Variants in RAPGEF1 observed in about 807,000 individuals in gnomAD.
RAPGEF1 encodes Rap guanine nucleotide exchange factor 1.
In RAPGEF1, 33 loss-of-function variants were observed where a neutral mutation model predicts 143.3. That is an observed-to-expected ratio of 0.23 (90% confidence interval 0.17 to 0.31). RAPGEF1 has a LOEUF of 0.31. Ranked by LOEUF, RAPGEF1 falls within the 10% of genes least tolerant of loss-of-function variation. The probability of loss-of-function intolerance (pLI) is 1.00; values close to 1 mark genes in which losing one functional copy is unlikely to be tolerated. For synonymous variants in RAPGEF1, 629 were observed against 676.5 expected (o/e 0.93, Z 1.09); for missense variants, 1,199 against 1,645.4 (o/e 0.73, Z 4.69).
intron 1 of RAPGEF1, among the ~76,000 whole-genome samples, chr9:131,739,558 G>GCA (rs1408265378): frequency 6.7e-6 from 1 of 150,306 alleles, no homozygotes; most frequent in East Asian, 2.0e-4. Context: ...CCCGGCCCCT[G>GCA]GCGCCCCCGC....
intron 17 of RAPGEF1, among the ~76,000 whole-genome samples, chr9:131,595,295 C>T (rs1452676715): frequency 3.3e-5 from 5 of 152,224 alleles, no homozygotes; most frequent in Admixed American, 6.5e-5. Context: ...GCAGTGGCTG[C>T]GGTGAGTTTG....
chr9:131,712,968 T>C (rs1251558276), intron 1 of RAPGEF1, among the ~76,000 whole-genome samples: 1 of 152,144 alleles, frequency 6.6e-6, no homozygotes, highest in African/African-American at 2.4e-5. Context: ...TGTCCCAGAC[T>C]AAGCAAACAA....
intron 12 of RAPGEF1, among the ~76,000 whole-genome samples, chr9:131,605,670 A>G (rs1957006196): frequency 6.6e-6 from 1 of 152,178 alleles, no homozygotes; most frequent in South Asian, 2.1e-4. Context: ...GAGCGGCACA[A>G]ACCTTAAGCG....
At chr9:131,729,932 C>T (rs375396994) in intron 1 of RAPGEF1, among the ~76,000 whole-genome samples, 2 of 152,294 alleles carry the variant, frequency 1.3e-5, no homozygotes, top group South Asian at 2.1e-4. Flanking sequence ...CAGTGGCTCA[C>T]GCCTGTAATC....
intron 1 of RAPGEF1, among the ~76,000 whole-genome samples, chr9:131,718,804 G>T (rs1170127078): frequency 6.6e-6 from 1 of 152,130 alleles, no homozygotes; most frequent in African/African-American, 2.4e-5. Context: ...CATTTGAGAA[G>T]GACCAGTGTT....
intron 1 of RAPGEF1, among the ~76,000 whole-genome samples, chr9:131,659,482 G>C (rs1973409898): frequency 6.6e-6 from 1 of 151,622 alleles, no homozygotes; most frequent in Non-Finnish European, 1.5e-5. Flanking sequence ...GCCTCCCAAA[G>C]TGCTGGGACT....
chr9:131,721,119 C>A (rs1836233513), intron 1 of RAPGEF1, among the ~76,000 whole-genome samples: 2 of 152,154 alleles, frequency 1.3e-5, no homozygotes, highest in South Asian at 4.1e-4. Context: ...ATGGACTTGA[C>A]CTGCATTAGA....
intron 1 of RAPGEF1, among the ~76,000 whole-genome samples, chr9:131,735,928 C>T (rs979301820): frequency 3.9e-5 from 6 of 152,174 alleles, no homozygotes; most frequent in African/African-American, 1.4e-4. Flanking sequence ...AGAACACGTG[C>T]GGATCCAACC....
At position 131,598,222 on chromosome 9, in the gene RAPGEF1, A is replaced by T. The variant is rs199924207; in HGVS notation, c.2590T>A (p.Ser864Thr). 6.2e-7 allele frequency: 1 copy of T among 1,614,002 alleles called. No individual in the cohort carries two copies. Among genetic ancestry groups the T allele is most frequent in the African/African-American group, 1.3e-5 (1 of 75,064 alleles). Residue 864 changes from serine (S) to threonine (T), a missense_variant, in exon 16 of 27, where the codon TCC becomes ACC. Transcript: ENST00000683357. ...LSLIDHNEIM[S>T]RLTLKQEGDD... is the part of the protein sequence containing the mutation. ...ACCTCCTGCTTGAGCGTCAGCCTGG[A>T]CATAATTTCGTTGTGGTCAATGAGG...
chr9:131,723,826 C>T (rs1366230849), intron 1 of RAPGEF1, among the ~76,000 whole-genome samples: 1 of 152,120 alleles, frequency 6.6e-6, no homozygotes, highest in Non-Finnish European at 1.5e-5. Context: ...TGTGGTAGTT[C>T]TATTTTTAGT....
intron 15 of RAPGEF1, chr9:131,598,516 G>C: frequency 1.4e-6 from 1 of 691,888 alleles, no homozygotes; most frequent in Middle Eastern, 2.3e-4. Context: ...GCCTCTGGAT[G>C]TTCCATCTGT....
intron 1 of RAPGEF1, among the ~76,000 whole-genome samples, chr9:131,672,526 C>T (rs985381113): frequency 2.0e-5 from 3 of 152,160 alleles, no homozygotes; most frequent in African/African-American, 7.2e-5. Context: ...ACAGGTGGCC[C>T]TGCAGTGCTG....
intron 11 of RAPGEF1, among the ~76,000 whole-genome samples, chr9:131,619,917 G>A (rs1960270535): frequency 6.6e-6 from 1 of 152,172 alleles, no homozygotes; most frequent in African/African-American, 2.4e-5. Context: ...TTAGGATTGG[G>A]TGTGGCTCCC....
chr9:131,682,842 C>A (rs755857157), intron 1 of RAPGEF1, among the ~76,000 whole-genome samples: 4 of 152,214 alleles, frequency 2.6e-5, no homozygotes, highest in Non-Finnish European at 4.4e-5. Context: ...ACATTTCAAT[C>A]ATTTCTCTAC....
chr9:131,652,409 C>T (rs1350606192), intron 1 of RAPGEF1, among the ~76,000 whole-genome samples: 1 of 152,194 alleles, frequency 6.6e-6, no homozygotes, highest in Non-Finnish European at 1.5e-5. Context: ...GCTACAATGT[C>T]TGGCTCAGTT....
At chr9:131,662,435 T>C (rs1318329684) in intron 1 of RAPGEF1, among the ~76,000 whole-genome samples, 6 of 152,164 alleles carry the variant, frequency 3.9e-5, no homozygotes, top group Non-Finnish European at 8.8e-5. Context: ...GGCTGGAGTA[T>C]AGTGGTGTGA....
At chr9:131,646,297 G>T (rs541993303) in intron 3 of RAPGEF1, among the ~76,000 whole-genome samples, 1 of 152,320 alleles carries the variant, frequency 6.6e-6, no homozygotes, top group South Asian at 2.1e-4. Flanking sequence ...AACTTGGTCT[G>T]TCTGAGTTCA....
In RAPGEF1 at chr9:131,721,134, G is replaced by T. The variant is rs942352972; in HGVS notation, c.61+18636C>A. Among the ~76,000 whole-genome samples the T allele has an allele frequency of 6.6e-5, 10 of 152,164 alleles. 1 individual carries two copies. Among genetic ancestry groups the T allele is most frequent in the African/African-American group, 2.4e-4 (10 of 41,434 alleles). ...ATGGACTTGACCTGCATTAGAACAG[G>T]CTGTGGACCTGAAGCAGTTCTCTCA... On this transcript the variant is annotated intron_variant, in intron 1 of 26. Coordinates refer to ENST00000683357, the MANE Select transcript of RAPGEF1 (RefSeq NM_001377935.1).
intron 1 of RAPGEF1, among the ~76,000 whole-genome samples, chr9:131,694,904 C>T (rs35191378): frequency 0.098 from 14,636 of 149,746 alleles, 1,090 homozygotes; most frequent in African/African-American, 0.2. Flanking sequence ...CCCATTAACT[C>T]GTCATTTAAC....
Sources: gnomAD v4.1 joint callset for allele counts (sites outside exome capture counted in the v4.1 genomes callset) on GRCh38, gnomAD v4.1.1 for gene constraint, MANE v1.5 for transcripts, NCBI Gene and HGNC (gene_info 2026-07-23, HGNC 2026-07-21) for gene names.